Variants in YIPF4 observed in about 807,000 individuals in gnomAD.
YIPF4 encodes Yip1 domain family member 4, also known as protein YIPF4.
A neutral mutation model predicts 29.4 loss-of-function variants in YIPF4; 18 were observed. The ratio of observed to expected loss-of-function variants is 0.61; its 90% CI spans 0.42 to 0.91. The LOEUF (loss-of-function observed/expected upper bound fraction) is 0.91, where lower values mean the gene tolerates loss of function less well. Ranked by LOEUF, YIPF4 falls within the 40% of genes least tolerant of loss-of-function variation. The pLI is 0.00. For synonymous variants in YIPF4, 115 were observed against 104.7 expected (o/e 1.10, Z -0.60); for missense variants, 279 against 282.7 (o/e 0.99, Z 0.09).
In YIPF4 at chr2:32,279,429, G is replaced by C. The variant is rs1401926538; in HGVS notation, c.79+1195G>C. ...TTTTTTTTTTTTGAGACTGAGTCTC[G>C]CTCTGTCGCCCAGGCTGGAGTGCAG... On this transcript the variant is annotated intron_variant, in intron 1 of 5. Transcript: ENST00000238831. Among the ~76,000 whole-genome samples the C allele has an allele frequency of 6.4e-5, 7 of 110,050 alleles. 1 individual carries two copies. The highest frequency in any genetic ancestry group is 2.5e-4 in the African/African-American group (7 of 27,990). 72.2% of individuals were successfully genotyped at this position (110,050 alleles called of 152,430 possible). A position where few individuals can be genotyped will look rare whatever the true frequency, so the allele number is the denominator to read the frequency against.
intron 3 of YIPF4, among the ~76,000 whole-genome samples, chr2:32,294,268 G>C (rs564174665): frequency 6.6e-6 from 1 of 151,788 alleles, no homozygotes; most frequent in South Asian, 2.1e-4. Flanking sequence ...TCACTTCTCA[G>C]ACGGGGCGGC....
chr2:32,282,630 C>G (rs1485578603), intron 1 of YIPF4, among the ~76,000 whole-genome samples: 1 of 152,038 alleles, frequency 6.6e-6, no homozygotes, highest in Admixed American at 6.5e-5. Context: ...CACGGGGTTT[C>G]ACCACATTGG....
intron 5 of YIPF4, among the ~76,000 whole-genome samples, chr2:32,305,035 A>G (rs954372764): frequency 3.9e-5 from 6 of 152,104 alleles, no homozygotes; most frequent in African/African-American, 1.4e-4. Context: ...TTTAGAAGGA[A>G]AAGGAAAATT....
intron 1 of YIPF4, among the ~76,000 whole-genome samples, chr2:32,279,908 T>A (rs1210449300): frequency 6.7e-6 from 1 of 150,118 alleles, no homozygotes; most frequent in Non-Finnish European, 1.5e-5. Flanking sequence ...TTCTTTTTTT[T>A]TTTTTTTGAG....
intron 1 of YIPF4, among the ~76,000 whole-genome samples, chr2:32,286,621 G>A (rs1037322414): frequency 6.6e-6 from 1 of 151,828 alleles, no homozygotes; most frequent in Non-Finnish European, 1.5e-5. Flanking sequence ...TCTCAGCTCA[G>A]TGCAACCTCC....
At chr2:32,296,543 C>T (rs72798735) in intron 3 of YIPF4, among the ~76,000 whole-genome samples, 4,594 of 151,548 alleles carry the variant, frequency 0.03, 105 homozygotes, top group Non-Finnish European at 0.049. Context: ...TTTTGGATTT[C>T]CTTGATGTTT....
chr2:32,281,864 C>T (rs2030430119), intron 1 of YIPF4, among the ~76,000 whole-genome samples: 1 of 143,546 alleles, frequency 7.0e-6, no homozygotes, highest in Non-Finnish European at 1.5e-5. Context: ...CATCACACTT[C>T]AGCCTGGGTG....
chr2:32,294,394 G>A (rs1664231233), intron 3 of YIPF4, among the ~76,000 whole-genome samples: 1 of 151,648 alleles, frequency 6.6e-6, no homozygotes, highest in Admixed American at 6.5e-5. Context: ...AGACGTGGTC[G>A]CGGCCGAGCA....
At chr2:32,305,267 G>T (rs994166911) in intron 5 of YIPF4, among the ~76,000 whole-genome samples, 4 of 152,164 alleles carry the variant, frequency 2.6e-5, no homozygotes, top group African/African-American at 9.6e-5. Flanking sequence ...TGATTCTTAT[G>T]ATTAGACTGG....
chr2:32,300,281 A>T (rs2031353046), intron 4 of YIPF4, among the ~76,000 whole-genome samples: 1 of 151,348 alleles, frequency 6.6e-6, no homozygotes. Context: ...AAAAGATAAA[A>T]AAATTAGCCG....
In YIPF4 at chr2:32,312,910, G is replaced by A. The variant is rs1342606113; in HGVS notation, c.*7284G>A. The stretch of plus-strand genomic sequence containing the variant: ...GGAGGCTGCGGCAGGAGAATGGTGT[G>A]AACCCGGGAGGCGGAGCTTGCAGTA... On this transcript the variant is annotated 3_prime_UTR_variant, in exon 6 of 6. Coordinates refer to ENST00000238831, the MANE Select transcript of YIPF4 (RefSeq NM_032312.4). 6.6e-6 allele frequency: 1 copy of A among 152,122 alleles called. No individual in the cohort carries two copies. The highest frequency in any genetic ancestry group is 1.5e-5 in the Non-Finnish European group (1 of 68,102). 9.4% of individuals were successfully genotyped at this position (152,122 alleles called of 1,614,324 possible).
Position 32,306,918 on chromosome 2 carries a change from C to T in YIPF4, c.*1292C>T. The T allele has an allele frequency of 3.3e-6, 1 of 304,898 alleles. No homozygotes were observed. Among genetic ancestry groups the T allele is most frequent in the Non-Finnish European group, 6.3e-6 (1 of 159,360 alleles). The allele number at this position is 304,898 out of a possible 1,614,324, so 18.9% of individuals were successfully genotyped here. The stretch of plus-strand genomic sequence containing the variant: ...GTATTTCTTTAGCAAACTTACCCAT[C>T]AGGAAATATCCAGCACCTCTGAAGC... On this transcript the variant is annotated 3_prime_UTR_variant, in exon 6 of 6. Transcript: ENST00000238831.
chr2:32,306,395 T>G lies in YIPF4; in HGVS notation c.*769T>G, dbSNP rs1008414016. 8 of 985,266 alleles carry G rather than the reference T, an allele frequency of 8.1e-6. No homozygotes were observed. The highest frequency in any genetic ancestry group is 9.6e-6 in the Non-Finnish European group (8 of 829,404). The allele number at this position is 985,266 out of a possible 1,614,324, so 61.0% of individuals were successfully genotyped here. A position where few individuals can be genotyped will look rare whatever the true frequency, so the allele number is the denominator to read the frequency against. ...CTGACCAAAGGAGCAAGAGGTATAA[T>G]GGATATGGCATTCATTAAAATCTTT... On this transcript the variant is annotated 3_prime_UTR_variant, in exon 6 of 6. Coordinates refer to ENST00000238831, the MANE Select transcript of YIPF4 (RefSeq NM_032312.4).
chr2:32,300,584 A>C (rs1389230294), intron 4 of YIPF4, among the ~76,000 whole-genome samples: 1 of 152,174 alleles, frequency 6.6e-6, no homozygotes, highest in African/African-American at 2.4e-5. Context: ...TTTACTCTGC[A>C]TATGGAAATT....
At position 32,313,188 on chromosome 2, in the gene YIPF4, A is replaced by G. The variant is rs1342863196; in HGVS notation, c.*7562A>G. ...GCTTAAGCTGAAATCTTAGGGAAAA[A>G]TAAAAGTTAACTAGGCAAAGAAGGT... On this transcript the variant is annotated 3_prime_UTR_variant, in exon 6 of 6. Coordinates refer to ENST00000238831, the MANE Select transcript of YIPF4 (RefSeq NM_032312.4). 6.6e-6 allele frequency: 1 copy of G among 152,182 alleles called. No individual in the cohort carries two copies. The highest frequency in any genetic ancestry group is 1.5e-5 in the Non-Finnish European group (1 of 68,046). 9.4% of individuals were successfully genotyped at this position (152,182 alleles called of 1,614,324 possible).
rs145453401 is a variant in YIPF4 at position 32,304,844 on chromosome 2, A to C, written c.598-645A>C. On this transcript the variant is annotated intron_variant, in intron 5 of 5. Coordinates refer to ENST00000238831, the MANE Select transcript of YIPF4 (RefSeq NM_032312.4). ...ATAAGTTTCCAGTAGAAATAATTTA[A>C]AAGTATGTATGTATGTGATCCAAAA... is the stretch of plus-strand genomic sequence containing the variant. 2.0e-5 allele frequency among the ~76,000 whole-genome samples: 3 copies of C among 152,348 alleles called. No individual in the cohort carries two copies. The East Asian group carries it at 5.8e-4, about 29-fold the overall frequency.
chr2:32,278,311 G>C, intron 1 of YIPF4, 77 bp downstream of exon 1: 1 of 1,405,380 alleles, frequency 7.1e-7, no homozygotes. Flanking sequence ...CTGGTGCCGA[G>C]GTGGTCGTGG....
rs1394855508 is a variant in YIPF4, at chr2:32,307,639, A to AT, written c.*2016dup. ...AACAGATTGTCAGTTTAAAAACAGG[A>AT]TTTGTAGGCCAGGCACAGTGGCTCA... On this transcript the variant is annotated 3_prime_UTR_variant, in exon 6 of 6. Coordinates refer to ENST00000238831, the MANE Select transcript of YIPF4 (RefSeq NM_032312.4). 6.6e-6 allele frequency: 1 copy of AT among 152,464 alleles called. No individual in the cohort carries two copies. The allele number at this position is 152,464 out of a possible 1,614,324, so 9.4% of individuals were successfully genotyped here. A position where few individuals can be genotyped will look rare whatever the true frequency, so the allele number is the denominator to read the frequency against.
At chr2:32,298,337 C>T (rs1179651884) in intron 4 of YIPF4, 26 bp downstream of exon 4, 1 of 1,546,830 alleles carries the variant, frequency 6.5e-7, no homozygotes, top group Admixed American at 1.7e-5. Flanking sequence ...TGAAAATAAT[C>T]TTCCTTATTT....
Sources: allele counts gnomAD v4.1 joint callset (sites outside exome capture counted in the v4.1 genomes callset), GRCh38; gene constraint gnomAD v4.1.1; transcripts MANE v1.5; gene names NCBI Gene and HGNC (gene_info 2026-07-23, HGNC 2026-07-21).